The following IL1RAPL1 variants were observed in gnomAD, a reference collection of about 807,000 sequenced individuals.
The protein encoded by IL1RAPL1 is interleukin-1 receptor accessory protein-like 1.
Under a neutral mutation model 48.4 loss-of-function variants are expected in IL1RAPL1, and 3 were observed. The observed-to-expected ratio is 0.06, with a 90% CI of 0.03 to 0.16. The LOEUF is 0.16. Ranked by LOEUF, IL1RAPL1 falls within the 10% of genes least tolerant of loss-of-function variation. The probability of loss-of-function intolerance (pLI) is 1.00; values close to 1 mark genes in which losing one functional copy is unlikely to be tolerated. For synonymous variants in IL1RAPL1, 185 were observed against 187.7 expected (o/e 0.99, Z 0.12); for missense variants, 349 against 530.6 (o/e 0.66, Z 3.36).
chrX:29,688,758 G>C (rs373979619), intron 6 of IL1RAPL1, among the ~76,000 whole-genome samples: 9 of 97,794 alleles, frequency 9.2e-5, no homozygotes, highest in African/African-American at 3.5e-4. Flanking sequence ...CTCTCTCTGT[G>C]TGTGTCTGTG....
At chrX:29,186,014 G>A (rs1405113338) in intron 2 of IL1RAPL1, among the ~76,000 whole-genome samples, 1 of 111,856 alleles carries the variant, frequency 8.9e-6, no homozygotes, top group South Asian at 3.7e-4. Context: ...CCTACTATTA[G>A]TTTGAGAATT....
intron 6 of IL1RAPL1, among the ~76,000 whole-genome samples, chrX:29,915,158 C>T (rs998502468): frequency 3.6e-5 from 4 of 111,627 alleles, no homozygotes; most frequent in Non-Finnish European, 3.8e-5. Context: ...ATTAGTCGGG[C>T]GTGGTGGCAC....
At chrX:28,784,431 G>C (rs1329554002) in intron 1 of IL1RAPL1, among the ~76,000 whole-genome samples, 1 of 111,789 alleles carries the variant, frequency 8.9e-6, no homozygotes, top group African/African-American at 3.2e-5. Context: ...AAAAGAGCTA[G>C]CATTAGAAAA....
At chrX:29,403,836 A>C (rs953843373) in intron 5 of IL1RAPL1, among the ~76,000 whole-genome samples, 7 of 112,151 alleles carry the variant, frequency 6.2e-5, no homozygotes, top group African/African-American at 1.9e-4. Context: ...GTATAGTGAG[A>C]TCAGAATTTG....
At chrX:28,726,098 A>C (rs1935673403) in intron 1 of IL1RAPL1, among the ~76,000 whole-genome samples, 1 of 112,112 alleles carries the variant, frequency 8.9e-6, no homozygotes, top group African/African-American at 3.2e-5. Context: ...GGTTAATAAT[A>C]GGTTTCAGAT....
intron 6 of IL1RAPL1, among the ~76,000 whole-genome samples, chrX:29,758,706 A>AAAT (rs1174768134): frequency 2.8e-4 from 30 of 107,124 alleles, no homozygotes; most frequent in African/African-American, 9.3e-4. Flanking sequence ...AAAAAAAAAA[A>AAAT]AATAATAATA....
At chrX:29,362,078 G>T (rs1933384376) in intron 3 of IL1RAPL1, among the ~76,000 whole-genome samples, 1 of 111,821 alleles carries the variant, frequency 8.9e-6, no homozygotes, top group Admixed American at 9.6e-5. Context: ...AAATTGCAGT[G>T]TTTCTAAAAA....
At chrX:29,411,226 A>G (rs2147697984) in intron 5 of IL1RAPL1, among the ~76,000 whole-genome samples, 1 of 112,153 alleles carries the variant, frequency 8.9e-6, no homozygotes, top group African/African-American at 3.2e-5. Flanking sequence ...TATCTGTATT[A>G]TATCTCTAAA....
rs951220602 is a variant in IL1RAPL1 at position 29,150,278 on chromosome X, A to G, written c.83-132660A>G. Reference sequence around the variant, plus strand: ...AAAATAATTACTTAAATGTGGCTCTATGTAACTTACCAGGAGCTTTCTTAT... The same window carrying G: ...AAAATAATTACTTAAATGTGGCTCTGTGTAACTTACCAGGAGCTTTCTTAT... On this transcript the variant is annotated intron_variant, in intron 2 of 10. Transcript: ENST00000378993. 2.7e-5 allele frequency among the ~76,000 whole-genome samples: 3 copies of G among 112,101 alleles called. No homozygotes were observed. The Admixed American group carries it at 2.9e-4, about 11-fold the overall frequency.
At chrX:29,298,481 C>T (rs190908134) in intron 3 of IL1RAPL1, among the ~76,000 whole-genome samples, 1 of 111,896 alleles carries the variant, frequency 8.9e-6, no homozygotes, top group Non-Finnish European at 1.9e-5. Flanking sequence ...TCTCCAGAAC[C>T]TCAACTTTCA....
chrX:28,631,479 G>T (rs772366612), intron 1 of IL1RAPL1, among the ~76,000 whole-genome samples: 2 of 111,959 alleles, frequency 1.8e-5, no homozygotes, highest in South Asian at 7.5e-4. Context: ...TAGGGTAAAG[G>T]GTACCAGGAG....
intron 5 of IL1RAPL1, among the ~76,000 whole-genome samples, chrX:29,636,207 C>T (rs1052821216): frequency 3.6e-5 from 4 of 111,463 alleles, no homozygotes; most frequent in Admixed American, 1.9e-4. Flanking sequence ...AGATATCAAA[C>T]GCAATAAAAT....
intron 2 of IL1RAPL1, among the ~76,000 whole-genome samples, chrX:28,997,528 G>C (rs2147385731): frequency 9.0e-6 from 1 of 110,957 alleles, no homozygotes; most frequent in African/African-American, 3.3e-5. Flanking sequence ...GCCTCAAAAA[G>C]AGAAAATCAT....
chrX:29,624,680 A>G (rs1217652205), intron 5 of IL1RAPL1, among the ~76,000 whole-genome samples: 1 of 105,948 alleles, frequency 9.4e-6, no homozygotes, highest in Non-Finnish European at 1.9e-5. Flanking sequence ...TACAAAAAAT[A>G]CAAAAAAAAA....
Position 29,937,198 on chromosome X carries a change from C to T in IL1RAPL1, c.1058-4453C>T, listed in dbSNP as rs188646951. Among the ~76,000 whole-genome samples, 16 of 112,273 alleles carry T rather than the reference C, an allele frequency of 1.4e-4. No individual in the cohort carries two copies. The Admixed American group carries it at 1.5e-3, about 11-fold the overall frequency. ...GAGTCTATCATTTTAACAAAATACA[C>T]AAAGGCTAAACAGATTTTAAAAGGT... On this transcript the variant is annotated intron_variant, in intron 8 of 10. Coordinates refer to ENST00000378993, the MANE Select transcript of IL1RAPL1 (RefSeq NM_014271.4).
intron 6 of IL1RAPL1, among the ~76,000 whole-genome samples, chrX:29,718,620 AAAG>A (rs1467214028): frequency 5.5e-5 from 6 of 108,622 alleles, no homozygotes; most frequent in Non-Finnish European, 7.7e-5. Context: ...AAAAAAAAAA[AAAG>A]AATGTGCTCT....
intron 5 of IL1RAPL1, among the ~76,000 whole-genome samples, chrX:29,484,492 A>C (rs1374720406): frequency 1.8e-5 from 2 of 112,219 alleles, no homozygotes; most frequent in African/African-American, 6.5e-5. Context: ...ATAGCACACA[A>C]TAAACGAGCA....
chrX:29,918,153 A>AAAAAAAAAT (rs1569203085), intron 7 of IL1RAPL1, among the ~76,000 whole-genome samples: 3 of 71,242 alleles, frequency 4.2e-5, no homozygotes, highest in African/African-American at 1.7e-4. Flanking sequence ...AAATATATAT[A>AAAAAAAAAT]TATATATATA....
chrX:29,476,282 A>G (rs1306361981), intron 5 of IL1RAPL1, among the ~76,000 whole-genome samples: 1 of 112,073 alleles, frequency 8.9e-6, no homozygotes, highest in African/African-American at 3.2e-5. Context: ...AGGTTAGCTC[A>G]TAATAAAGGC....
Sources: allele counts gnomAD v4.1 joint callset (sites outside exome capture counted in the v4.1 genomes callset), GRCh38; gene constraint gnomAD v4.1.1; transcripts MANE v1.5; gene names NCBI Gene and HGNC (gene_info 2026-07-23, HGNC 2026-07-21).